Variants in PARP1 observed in about 807,000 individuals in gnomAD.
The protein encoded by PARP1 is poly [ADP-ribose] polymerase 1.
A neutral mutation model predicts 118.7 loss-of-function variants in PARP1; 44 were observed. The observed-to-expected ratio is 0.37, with a 90% confidence interval of 0.29 to 0.48. PARP1 has a LOEUF of 0.48. Among genes scored for constraint, PARP1 ranks in the 20% least tolerant of loss-of-function variants. The pLI is 0.99. For synonymous variants in PARP1, 492 were observed against 483.2 expected, an observed-to-expected ratio of 1.02 and a Z score of -0.24; for missense variants, 1,100 against 1,272.4, an observed-to-expected ratio of 0.86 and a Z score of 2.06.
intron 13 of PARP1, 28 bp from the exon 14 acceptor site, chr1:226,374,382 G>A (rs748049976): frequency 1.2e-6 from 2 of 1,614,092 alleles, no homozygotes; most frequent in Middle Eastern, 3.3e-4. Context: ...ATTGCTAAGA[G>A]ACCCAAATCA....
intron 4 of PARP1, among the ~76,000 whole-genome samples, chr1:226,389,733 T>C (rs1210397777): frequency 1.3e-5 from 2 of 152,120 alleles, no homozygotes. Context: ...AGATAATGTG[T>C]GATGGCTGCT....
chr1:226,385,664 G>A lies in PARP1; in HGVS notation c.851C>T (p.Ala284Val), dbSNP rs766905458. The A allele has an allele frequency of 1.9e-6, 3 of 1,614,146 alleles. No individual in the cohort carries two copies. The highest frequency in any genetic ancestry group is 8.5e-7 in the Non-Finnish European group (1 of 1,179,994). The stretch of plus-strand genomic sequence containing the variant: ...GAGGGCACCGAACACCATGCCATCA[G>A]CTACTCGGTCCAAGATCTGCAGCCA... ...SGESAILDRV[A>V]DGMVFGALLP... Residue 284 changes from alanine to valine, a missense_variant, in exon 7 of 23, where the codon GCT becomes GTT. Physicochemically the swap from Ala to Val is moderately conservative, Grantham distance 64. This residue lies in a region of PARP1 where 948 missense variants were observed against 1,031.8 expected (regional missense o/e 0.92). Transcript: ENST00000366794.
chr1:226,390,472 G>A lies in PARP1; in HGVS notation c.555C>T (p.Ser185=), dbSNP rs1250896850. The A allele has an allele frequency of 6.2e-7, 1 of 1,614,184 alleles. No homozygotes were observed. Among genetic ancestry groups the A allele is most frequent in the Non-Finnish European group, 8.5e-7 (1 of 1,180,046 alleles). ...EYSASQLKGF[S]LLATEDKEAL... ...CTTCTTTATCCTCTGTAGCAAGGAG[G>A]CTGAAGCCCTTGAGCTGACTCGCAC... The change falls in exon 4 of 23, where the codon AGC becomes AGT. Residue 185 remains serine (S), a synonymous_variant. Transcript: ENST00000366794.
Position 226,366,008 on chromosome 1 carries a change from A to T in PARP1, c.2451T>A (p.Tyr817Ter). The T allele has an allele frequency of 1.2e-6, 2 of 1,613,664 alleles. No homozygotes were observed. The highest frequency in any genetic ancestry group is 1.7e-6 in the Non-Finnish European group (2 of 1,179,578). Residue 817 changes from tyrosine to a stop codon, truncating the protein, a stop_gained, in exon 18 of 23, where the codon TAT (tyrosine) becomes TAA (stop). Transcript: ENST00000366794. LOFTEE classifies it high-confidence loss of function. ...DSEEAEIIRK[Y>*]VKNTHATTHN... The stretch of plus-strand genomic sequence containing the variant: ...GTGTGGTTGCATGAGTGTTCTTAAC[A>T]TACTTCCTGATGATCTCGGCTTCTT...
intron 6 of PARP1, 117 bp downstream of exon 6, chr1:226,386,209 C>A (rs1414337100): frequency 4.1e-6 from 3 of 740,530 alleles, no homozygotes; most frequent in African/African-American, 3.4e-5. Flanking sequence ...ATACTCCTTG[C>A]AATTAATACC....
At chr1:226,373,771 C>T (rs2102731886) in intron 14 of PARP1, among the ~76,000 whole-genome samples, 1 of 152,250 alleles carries the variant, frequency 6.6e-6, no homozygotes, top group Non-Finnish European at 1.5e-5. Flanking sequence ...TTTGGTTGGG[C>T]CACAAAGGAA....
chr1:226,363,226 T>G (rs1664186486), intron 20 of PARP1, 66 bp from the exon 21 acceptor site: 3 of 1,007,504 alleles, frequency 3.0e-6, no homozygotes, highest in Non-Finnish European at 4.8e-6. Context: ...ACAGTTTGAT[T>G]AGGAGAATAA....
At chr1:226,364,949 G>GA in intron 19 of PARP1, 53 bp downstream of exon 19, 1 of 1,603,162 alleles carries the variant, frequency 6.2e-7, no homozygotes, top group Non-Finnish European at 8.5e-7. Flanking sequence ...GTTCTTTATG[G>GA]AGACACCTGC....
chr1:226,382,585 A>G (rs191982607), intron 8 of PARP1, among the ~76,000 whole-genome samples: 1 of 152,198 alleles, frequency 6.6e-6, no homozygotes, highest in African/African-American at 2.4e-5. Context: ...GGTGTGCATT[A>G]GCGTGATCAT....
chr1:226,366,395 G>A, intron 17 of PARP1: 1 of 344,042 alleles, frequency 2.9e-6, no homozygotes, highest in Admixed American at 4.0e-5. Context: ...CTGGAAGAGA[G>A]TCCAGCTCAG....
Position 226,370,505 on chromosome 1 carries a change from T to A in PARP1, c.2083A>T (p.Lys695Ter). ...TTGCTCAGCTTCCCCAAGGGCATCT[T>A]CTGAAGGTCGATCTGAGGAGACAGG... ...AMVEYEIDLQ[K>*]MPLGKLSKRQ... is the part of the protein sequence containing the mutation. Residue 695 changes from lysine to a stop codon, truncating the protein, a stop_gained, in exon 15 of 23, where the codon AAG (lysine) becomes TAG (stop). Transcript: ENST00000366794. LOFTEE classifies it high-confidence loss of function. 1.9e-6 allele frequency: 3 copies of A among 1,613,790 alleles called. No homozygotes were observed. Among genetic ancestry groups the A allele is most frequent in the Non-Finnish European group, 2.5e-6 (3 of 1,179,714 alleles).
At chr1:226,393,286 C>T (rs1327749995) in intron 2 of PARP1, among the ~76,000 whole-genome samples, 1 of 151,878 alleles carries the variant, frequency 6.6e-6, no homozygotes, top group Non-Finnish European at 1.5e-5. Flanking sequence ...TGTGCAAGAT[C>T]TCTACACTAA....
At chr1:226,380,947 C>T (rs192406510) in intron 9 of PARP1, 121 bp downstream of exon 9, 226 of 1,102,408 alleles carry the variant, frequency 2.1e-4, no homozygotes, top group East Asian at 1.6e-3. Flanking sequence ...AGAACCACAG[C>T]GATGATGATG....
intron 19 of PARP1, chr1:226,364,275 G>C (rs1664207156): frequency 3.6e-6 from 2 of 559,868 alleles, no homozygotes; most frequent in South Asian, 3.5e-5. Context: ...GTGCCAAGGA[G>C]CTGCAAGAAG....
In PARP1 at chr1:226,408,090, T is replaced by C. The variant is rs922109107; in HGVS notation, c.-161A>G. The C allele has an allele frequency of 1.3e-5, 13 of 1,013,678 alleles. No individual in the cohort carries two copies. In the African/African-American group the frequency reaches 2.2e-4, roughly 17 times the overall value. The allele number at this position is 1,013,678 out of a possible 1,614,324, so 62.8% of individuals were successfully genotyped here. A position where few individuals can be genotyped will look rare whatever the true frequency, so the allele number is the denominator to read the frequency against. ...CGGCCACCGCCGTTCCCTGATAGAT[T>C]GCTGATGCCTGGCCGCGGGAACGCC... On this transcript the variant is annotated 5_prime_UTR_variant, in exon 1 of 23. Transcript: ENST00000366794.
At chr1:226,398,530 A>T in intron 2 of PARP1, among the ~76,000 whole-genome samples, 1 of 53,856 alleles carries the variant, frequency 1.9e-5, no homozygotes, top group Admixed American at 2.2e-4. Flanking sequence ...ACAGTCTTAA[A>T]AAAAAAAAAA....
rs1384985749 is a variant in PARP1, at chr1:226,383,048, A to C, written c.1147T>G (p.Ser383Ala). The C allele has an allele frequency of 5.0e-6, 8 of 1,612,658 alleles. No homozygotes were observed. Among genetic ancestry groups the C allele is most frequent in the Non-Finnish European group, 6.8e-6 (8 of 1,179,886 alleles). The change falls in exon 8 of 23, where the codon TCT becomes GCT. Residue 383 changes from serine to alanine, a missense_variant. Physicochemically the swap from Ser to Ala is moderately conservative, Grantham distance 99. Around this residue, in one of 2 missense-constraint regions of PARP1, gnomAD observed 948 missense variants for 1,031.8 expected, o/e 0.92. Coordinates refer to ENST00000366794, the MANE Select transcript of PARP1 (RefSeq NM_001618.4). ...TASAPAAVNS[S>A]ASADKPLSNM... is the part of the protein sequence containing the mutation. ...CCAAATGCTGTACCTGCTGAAGCAGAGGAGTTCACAGCAGCAGGAGCCGAG... is the reference window on the plus strand; with the variant it reads ...CCAAATGCTGTACCTGCTGAAGCAGCGGAGTTCACAGCAGCAGGAGCCGAG...
chr1:226,366,294 C>T, intron 17 of PARP1: 1 of 485,744 alleles, frequency 2.1e-6, no homozygotes, highest in Non-Finnish European at 3.8e-6. Flanking sequence ...TCCTTTTTGT[C>T]TTAAAATTCT....
intron 1 of PARP1, among the ~76,000 whole-genome samples, chr1:226,405,812 C>T (rs759553967): frequency 5.9e-5 from 9 of 152,030 alleles, no homozygotes; most frequent in African/African-American, 1.4e-4. Context: ...TTTAAAAATG[C>T]GTAATAAAAA....
Sources: gnomAD v4.1 joint callset for allele counts (sites outside exome capture counted in the v4.1 genomes callset) on GRCh38, gnomAD v4.1.1 for gene constraint, gnomAD v4.1.1 regional missense constraint, MANE v1.5 for transcripts, NCBI Gene and HGNC (gene_info 2026-07-23, HGNC 2026-07-21) for gene names.